XPO6: variants seen among roughly 807,000 people sequenced by gnomAD.
XPO6 encodes exportin 6.
Under a neutral mutation model 130.0 loss-of-function variants are expected in XPO6, and 3 were observed. The ratio of observed to expected loss-of-function variants is 0.02; its 90% CI spans 0.01 to 0.06. The LOEUF is 0.06. Among genes scored for constraint, XPO6 ranks in the 10% least tolerant of loss-of-function variants. XPO6 has a pLI of 1.00. For synonymous variants in XPO6, 524 were observed against 548.9 expected, an observed-to-expected ratio of 0.95 and a Z score of 0.63; for missense variants, 970 against 1,393.0, an observed-to-expected ratio of 0.70 and a Z score of 4.83.
intron 1 of XPO6, among the ~76,000 whole-genome samples, chr16:28,199,899 G>A (rs899923568): frequency 6.7e-6 from 1 of 149,376 alleles, no homozygotes; most frequent in African/African-American, 2.4e-5. Flanking sequence ...GCTCACTCCT[G>A]TAATCCCAGC....
intron 4 of XPO6, chr16:28,173,028 A>T (rs2043478014): frequency 1.3e-5 from 2 of 152,228 alleles, no homozygotes; most frequent in African/African-American, 4.8e-5. Flanking sequence ...TTATTTCCTA[A>T]ACAATACAGT....
chr16:28,138,625 A>T (rs1026881949), intron 9 of XPO6, among the ~76,000 whole-genome samples: 3 of 152,128 alleles, frequency 2.0e-5, no homozygotes, highest in African/African-American at 7.2e-5. Context: ...TTCCTCAGCA[A>T]GAGAGCACTG....
At position 28,151,082 on chromosome 16, in the gene XPO6, C is replaced by G. The variant is rs965979707; in HGVS notation, c.1224+1577G>C. Among the ~76,000 whole-genome samples the G allele has an allele frequency of 3.3e-5, 5 of 151,212 alleles. No homozygotes were observed. In the East Asian group the frequency reaches 9.7e-4, roughly 29 times the overall value. On this transcript the variant is annotated intron_variant, in intron 8 of 23. Coordinates refer to ENST00000304658, the MANE Select transcript of XPO6 (RefSeq NM_015171.4). ...CAAGATCTTCCTTGAGAAAGGACAG[C>G]TTTCCCAACAAACCCCTGCTCCAAG...
At chr16:28,150,989 G>C (rs1266617974) in intron 8 of XPO6, among the ~76,000 whole-genome samples, 1 of 151,552 alleles carries the variant, frequency 6.6e-6, no homozygotes, top group Non-Finnish European at 1.5e-5. Context: ...TTCAAGTTTT[G>C]GCCTTCCCTC....
At chr16:28,123,644 T>A (rs2087310014) in intron 13 of XPO6, among the ~76,000 whole-genome samples, 1 of 152,118 alleles carries the variant, frequency 6.6e-6, no homozygotes. Flanking sequence ...GTCAAGAAAG[T>A]GAGGGCAAAA....
chr16:28,167,521 A>C (rs903347872), intron 5 of XPO6, among the ~76,000 whole-genome samples: 5 of 152,170 alleles, frequency 3.3e-5, no homozygotes, highest in Admixed American at 1.3e-4. Flanking sequence ...TTTCCACCAG[A>C]CTAAATGCCA....
intron 13 of XPO6, among the ~76,000 whole-genome samples, chr16:28,122,677 A>T (rs2087275592): frequency 1.3e-5 from 2 of 152,074 alleles, no homozygotes. Flanking sequence ...AGTTTATCGA[A>T]ATAGGATGAC....
At chr16:28,134,893 T>G (rs773708241) in intron 10 of XPO6, among the ~76,000 whole-genome samples, 1 of 152,130 alleles carries the variant, frequency 6.6e-6, no homozygotes, top group Non-Finnish European at 1.5e-5. Flanking sequence ...GCTGCCCAGG[T>G]TGGGGAGCAG....
intron 14 of XPO6, among the ~76,000 whole-genome samples, chr16:28,118,424 G>A (rs1003355218): frequency 6.6e-6 from 1 of 152,128 alleles, no homozygotes; most frequent in African/African-American, 2.4e-5. Context: ...GCAGGGGCAC[G>A]ATCATGGCTC....
chr16:28,122,687 C>T (rs765344843), intron 13 of XPO6, among the ~76,000 whole-genome samples: 15 of 151,764 alleles, frequency 9.9e-5, no homozygotes, highest in African/African-American at 2.2e-4. Flanking sequence ...AATAGGATGA[C>T]GTGGGCTTTT....
intron 1 of XPO6, among the ~76,000 whole-genome samples, chr16:28,203,129 C>T (rs1273718836): frequency 1.3e-5 from 2 of 151,978 alleles, no homozygotes; most frequent in Non-Finnish European, 2.9e-5. Context: ...TACAAAATTA[C>T]CCAGGCATGG....
At chr16:28,136,215 T>C (rs541246560) in intron 9 of XPO6, among the ~76,000 whole-genome samples, 1 of 152,100 alleles carries the variant, frequency 6.6e-6, no homozygotes, top group Non-Finnish European at 1.5e-5. Flanking sequence ...TGTTTTGTTT[T>C]GTTTTGTTTT....
At chr16:28,202,103 A>C (rs9939142) in intron 1 of XPO6, among the ~76,000 whole-genome samples, 43,677 of 152,066 alleles carry the variant, frequency 0.29, 6,387 homozygotes, top group Middle Eastern at 0.33. Context: ...GACAAGTATT[A>C]AAGTGCACTG....
chr16:28,178,441 T>C (rs1221069054), intron 2 of XPO6, among the ~76,000 whole-genome samples: 3 of 151,542 alleles, frequency 2.0e-5, no homozygotes, highest in Non-Finnish European at 4.4e-5. Context: ...TGGTGGTAAG[T>C]GCCTGTAGTC....
At chr16:28,108,229 TTAGCCCCG>T (rs1183550691) in intron 17 of XPO6, among the ~76,000 whole-genome samples, 1 of 152,194 alleles carries the variant, frequency 6.6e-6, no homozygotes, top group African/African-American at 2.4e-5. Flanking sequence ...CTTTGGCCTA[TTAGCCCCG>T]TAGCTTGATA....
chr16:28,117,585 A>C, intron 14 of XPO6, 123 bp from the exon 15 acceptor site: 1 of 1,176,588 alleles, frequency 8.5e-7, no homozygotes, highest in Non-Finnish European at 1.2e-6. Flanking sequence ...CATGGGCAAC[A>C]GCATAGAAAT....
chr16:28,138,530 T>C (rs186045029), intron 9 of XPO6, among the ~76,000 whole-genome samples: 18 of 152,246 alleles, frequency 1.2e-4, no homozygotes, highest in African/African-American at 3.6e-4. Context: ...CATAGATCAC[T>C]GATCTCCCAA....
chr16:28,169,169 A>T (rs973272018), intron 5 of XPO6, among the ~76,000 whole-genome samples: 1 of 152,208 alleles, frequency 6.6e-6, no homozygotes, highest in African/African-American at 2.4e-5. Context: ...AGCACACAGC[A>T]GCCACCCCAG....
chr16:28,197,742 C>T (rs1476072170), intron 1 of XPO6, among the ~76,000 whole-genome samples: 1 of 151,600 alleles, frequency 6.6e-6, no homozygotes, highest in Admixed American at 6.6e-5. Context: ...TAGTGAAACC[C>T]CGTCTCTACT....
Sources: gnomAD v4.1 joint callset for allele counts (sites outside exome capture counted in the v4.1 genomes callset) on GRCh38, gnomAD v4.1.1 for gene constraint, MANE v1.5 for transcripts, NCBI Gene and HGNC (gene_info 2026-07-23, HGNC 2026-07-21) for gene names.